Variants in RAB2B observed in about 807,000 individuals in gnomAD.
RAB2B encodes ras-related protein Rab-2B.
RAB2B carries 20 observed loss-of-function variants against 29.8 expected under a neutral mutation model. The observed-to-expected ratio is 0.67, with a 90% confidence interval of 0.47 to 0.97. The LOEUF is 0.97. RAB2B is among the 50% of genes least tolerant of loss of function. The probability of loss-of-function intolerance (pLI) is 0.00; values close to 1 mark genes in which losing one functional copy is unlikely to be tolerated. For synonymous variants in RAB2B, 93 were observed against 91.7 expected, an observed-to-expected ratio of 1.01 and a Z score of -0.08; for missense variants, 218 against 272.0, an observed-to-expected ratio of 0.80 and a Z score of 1.40.
At chr14:21,462,287 G>A in intron 7 of RAB2B, 63 bp downstream of exon 7, 1 of 1,375,226 alleles carries the variant, frequency 7.3e-7, no homozygotes, top group Non-Finnish European at 1.0e-6. Context: ...TCCATTCTAG[G>A]GAACCTCCAG....
At chr14:21,470,869 A>G (rs1000708603) in intron 3 of RAB2B, among the ~76,000 whole-genome samples, 1 of 151,896 alleles carries the variant, frequency 6.6e-6, no homozygotes, top group Admixed American at 6.6e-5. Context: ...CAAATCACTC[A>G]CCAGGCGCAG....
Position 21,476,943 on chromosome 14 carries a change from T to A in RAB2B, c.-71A>T. 3 of 1,515,896 alleles carry A rather than the reference T, an allele frequency of 2.0e-6. No individual in the cohort carries two copies. Among genetic ancestry groups the A allele is most frequent in the Non-Finnish European group, 2.7e-6 (3 of 1,094,646 alleles). 93.9% of individuals were successfully genotyped at this position (1,515,896 alleles called of 1,614,324 possible). ...ACTTACCTCCGACCTCTCTAGCCAC[T>A]CAATCTACCGATCTTCTTCTTCTCC... On this transcript the variant is annotated 5_prime_UTR_variant, in exon 1 of 8. Transcript: ENST00000397762.
chr14:21,470,079 A>G (rs979447626), intron 3 of RAB2B, among the ~76,000 whole-genome samples: 1 of 151,422 alleles, frequency 6.6e-6, no homozygotes, highest in African/African-American at 2.4e-5. Context: ...CAGCCTCCCA[A>G]TTAGCTGGGA....
At position 21,473,191 on chromosome 14, in the gene RAB2B, G is replaced by A. The variant is rs571472847; in HGVS notation, c.186+1676C>T. On this transcript the variant is annotated intron_variant, in intron 3 of 7. Coordinates refer to ENST00000397762, the MANE Select transcript of RAB2B (RefSeq NM_032846.4). ...TGGGGAGGGAAGGAGAGGAAAGGGA[G>A]GAAAAGAAAAAAGGAAAAATAATGT... Among the ~76,000 whole-genome samples, 3 of 151,974 alleles carry A rather than the reference G, an allele frequency of 2.0e-5. No homozygotes were observed. In the East Asian group the frequency reaches 5.8e-4, roughly 29 times the overall value.
At chr14:21,468,239 A>AT (rs398056924) in intron 5 of RAB2B, 118 bp downstream of exon 5, 102,599 of 568,218 alleles carry the variant, frequency 0.18, 2,302 homozygotes, top group Admixed American at 0.26. Context: ...TCACAACAAA[A>AT]TTTTTTTTTT....
chr14:21,461,236 C>T lies in RAB2B; in HGVS notation c.611G>A (p.Arg204Gln), dbSNP rs776432456. The T allele has an allele frequency of 1.5e-5, 24 of 1,613,592 alleles. No homozygotes were observed. The Middle Eastern group carries it at 4.9e-4, about 33-fold the overall frequency. The change falls in exon 8 of 8, where the codon CGG becomes CAG. Residue 204 changes from arginine to glutamine, a missense_variant. Arg to Gln is a conservative substitution (Grantham distance 43, BLOSUM62 1). Transcript: ENST00000397762. ...STSVGPSASQ[R>Q]NSRDIGSNSG... Reference sequence around the variant, plus strand: ...GTTGGACCCTATGTCACGAGAGTTCCGCTGGGAGGCACTGGGTCCCACTGA... The same window carrying T: ...GTTGGACCCTATGTCACGAGAGTTCTGCTGGGAGGCACTGGGTCCCACTGA...
chr14:21,470,330 A>G (rs956941301), intron 3 of RAB2B, among the ~76,000 whole-genome samples: 2 of 152,206 alleles, frequency 1.3e-5, no homozygotes, highest in African/African-American at 4.8e-5. Flanking sequence ...AAGCTTATTA[A>G]GTGCTAGAGC....
At chr14:21,469,451 A>T (rs1253396976) in intron 3 of RAB2B, among the ~76,000 whole-genome samples, 1 of 152,240 alleles carries the variant, frequency 6.6e-6, no homozygotes, top group Non-Finnish European at 1.5e-5. Flanking sequence ...GAGTTTTCCT[A>T]GAAAAATCCA....
chr14:21,476,672 G>A (rs768396482), intron 1 of RAB2B, 73 bp from the exon 2 acceptor site: 10 of 1,612,764 alleles, frequency 6.2e-6, no homozygotes, highest in African/African-American at 2.7e-5. Flanking sequence ...TCCCGGACCA[G>A]AGAAGGGGGG....
intron 3 of RAB2B, among the ~76,000 whole-genome samples, chr14:21,471,112 G>A (rs1282398515): frequency 1.3e-5 from 2 of 151,634 alleles, no homozygotes; most frequent in Non-Finnish European, 2.9e-5. Context: ...GGCAGAGGCT[G>A]CAGTAAGCCA....
Position 21,459,953 on chromosome 14 carries a change from G to T in RAB2B, c.*1243C>A. ...CTGGCCCCTAAAATAAAATGAACAG[G>T]GAACAAATGTTTTCTTTAGGTAATA... On this transcript the variant is annotated 3_prime_UTR_variant, in exon 8 of 8. Coordinates refer to ENST00000397762, the MANE Select transcript of RAB2B (RefSeq NM_032846.4). 3.1e-6 allele frequency: 1 copy of T among 326,074 alleles called. No homozygotes were observed. Among genetic ancestry groups the T allele is most frequent in the Non-Finnish European group, 6.2e-6 (1 of 162,586 alleles). 20.2% of individuals were successfully genotyped at this position (326,074 alleles called of 1,614,324 possible).
intron 1 of RAB2B, 87 bp downstream of exon 1, chr14:21,476,740 C>G (rs749290400): frequency 5.0e-6 from 8 of 1,592,572 alleles, no homozygotes; most frequent in Non-Finnish European, 6.9e-6. Context: ...AATCGCCCAG[C>G]CCACAAAGTG....
Position 21,463,828 on chromosome 14 carries a change from T to C in RAB2B, c.363-61A>G, listed in dbSNP as rs1428572610. ...AAGATCCAAGTGAAAGAGGAAAGTC[T>C]ATTTCTAAAAGAATTCCGTCGTGGT... is the stretch of plus-strand genomic sequence containing the variant. On this transcript the variant is annotated intron_variant, in intron 5 of 7. Transcript: ENST00000397762. 1.2e-5 allele frequency: 14 copies of C among 1,129,974 alleles called. No individual in the cohort carries two copies. In the Admixed American group the frequency reaches 3.0e-4, roughly 24 times the overall value. The allele number at this position is 1,129,974 out of a possible 1,614,324, so 70.0% of individuals were successfully genotyped here. A position where few individuals can be genotyped will look rare whatever the true frequency, so the allele number is the denominator to read the frequency against.
rs2139587252 is a variant in RAB2B at position 21,459,587 on chromosome 14, T to G, written c.*1609A>C. Reference sequence around the variant, plus strand: ...TACAACTTATACGGAAAGACAAGATTCCACACAAAAACAACTGCAAACCAT... The same window carrying G: ...TACAACTTATACGGAAAGACAAGATGCCACACAAAAACAACTGCAAACCAT... On this transcript the variant is annotated 3_prime_UTR_variant, in exon 8 of 8. Coordinates refer to ENST00000397762, the MANE Select transcript of RAB2B (RefSeq NM_032846.4). The G allele has an allele frequency of 6.6e-6, 1 of 152,106 alleles. No individual in the cohort carries two copies. Among genetic ancestry groups the G allele is most frequent in the East Asian group, 1.9e-4 (1 of 5,170 alleles). 9.4% of individuals were successfully genotyped at this position (152,106 alleles called of 1,614,324 possible). A position where few individuals can be genotyped will look rare whatever the true frequency, so the allele number is the denominator to read the frequency against.
intron 4 of RAB2B, 95 bp downstream of exon 4, chr14:21,468,575 T>A: frequency 7.9e-7 from 1 of 1,264,730 alleles, no homozygotes; most frequent in Admixed American, 2.2e-5. Flanking sequence ...CCATTCCTAG[T>A]TAACATCCTT....
chr14:21,476,312 C>A, intron 2 of RAB2B: 2 of 556,966 alleles, frequency 3.6e-6, no homozygotes, highest in Non-Finnish European at 6.4e-6. Context: ...CTATACCTCA[C>A]ACTCTAAAAA....
intron 2 of RAB2B, chr14:21,476,216 G>C (rs1159357933): frequency 6.8e-6 from 2 of 293,194 alleles, no homozygotes; most frequent in Non-Finnish European, 1.3e-5. Context: ...TCAAAGCACA[G>C]ATGAGTTCAT....
chr14:21,465,056 G>A (rs964878432), intron 5 of RAB2B, among the ~76,000 whole-genome samples: 2 of 152,224 alleles, frequency 1.3e-5, no homozygotes, highest in South Asian at 2.1e-4. Context: ...TGGGCTGTTT[G>A]TGATTCGTAT....
At chr14:21,463,592 G>T (rs1890617509) in intron 6 of RAB2B, 64 bp downstream of exon 6, 1 of 1,153,366 alleles carries the variant, frequency 8.7e-7, no homozygotes, top group Non-Finnish European at 1.3e-6. Context: ...AGAGAATTCT[G>T]AATACAAGGA....
Sources: allele counts gnomAD v4.1 joint callset (sites outside exome capture counted in the v4.1 genomes callset), GRCh38; gene constraint gnomAD v4.1.1; transcripts MANE v1.5; gene names NCBI Gene and HGNC (gene_info 2026-07-23, HGNC 2026-07-21).